The following WWP1 variants were observed in gnomAD, a reference collection of about 807,000 sequenced individuals.
WWP1 encodes the protein NEDD4-like E3 ubiquitin-protein ligase WWP1.
In WWP1, 49 loss-of-function variants were observed where a neutral mutation model predicts 130.6. That is an observed-to-expected ratio of 0.38 (90% CI 0.30 to 0.48). WWP1 has a LOEUF of 0.48. Ranked by LOEUF, WWP1 falls within the 20% of genes least tolerant of loss-of-function variation. WWP1 has a pLI of 0.99. For synonymous variants in WWP1, 332 were observed against 367.8 expected, an observed-to-expected ratio of 0.90 and a Z score of 1.11; for missense variants, 809 against 1,100.6, an observed-to-expected ratio of 0.74 and a Z score of 3.75.
intron 21 of WWP1, among the ~76,000 whole-genome samples, chr8:86,455,790 A>G (rs1015433487): frequency 1.3e-5 from 2 of 152,008 alleles, no homozygotes; most frequent in Non-Finnish European, 2.9e-5. Flanking sequence ...TTAGAAGGAA[A>G]TACAGAGGCC....
chr8:86,379,862 G>A (rs975548026), intron 3 of WWP1, among the ~76,000 whole-genome samples: 1 of 152,100 alleles, frequency 6.6e-6, no homozygotes, highest in Non-Finnish European at 1.5e-5. Flanking sequence ...CTTTTCCCTT[G>A]ATCTTTAATG....
intron 9 of WWP1, among the ~76,000 whole-genome samples, chr8:86,417,466 T>C (rs993125120): frequency 3.9e-5 from 6 of 152,228 alleles, no homozygotes; most frequent in Non-Finnish European, 7.3e-5. Context: ...CTGAATATAA[T>C]GTTCTGTGTA....
chr8:86,417,888 T>C (rs1808976797), intron 9 of WWP1, among the ~76,000 whole-genome samples: 1 of 152,142 alleles, frequency 6.6e-6, no homozygotes, highest in Non-Finnish European at 1.5e-5. Flanking sequence ...AGCTCAAGGC[T>C]CTGTTGTGTA....
intron 8 of WWP1, among the ~76,000 whole-genome samples, chr8:86,408,814 G>A (rs1366771708): frequency 6.6e-6 from 1 of 152,074 alleles, no homozygotes; most frequent in African/African-American, 2.4e-5. Flanking sequence ...GGAGGCTGGG[G>A]CAGGAGAATT....
intron 21 of WWP1, among the ~76,000 whole-genome samples, chr8:86,453,578 GGTAAT>G (rs1372476709): frequency 6.6e-6 from 1 of 151,972 alleles, no homozygotes; most frequent in East Asian, 1.9e-4. Context: ...TGGATCATAT[GGTAAT>G]CCTCTATTTA....
chr8:86,445,045 G>A (rs984355162), intron 18 of WWP1, among the ~76,000 whole-genome samples: 4 of 152,072 alleles, frequency 2.6e-5, no homozygotes, highest in African/African-American at 4.8e-5. Flanking sequence ...GGGAAGCAGC[G>A]TGTATGAAAG....
At chr8:86,447,988 C>G (rs973503937) in intron 18 of WWP1, among the ~76,000 whole-genome samples, 160 bp from the exon 19 acceptor site, 1 of 151,942 alleles carries the variant, frequency 6.6e-6, no homozygotes, top group East Asian at 1.9e-4. Context: ...GTTTTTCATA[C>G]CTAGCATTTT....
At chr8:86,405,576 G>A (rs1277291004) in intron 8 of WWP1, among the ~76,000 whole-genome samples, 1 of 152,058 alleles carries the variant, frequency 6.6e-6, no homozygotes, top group Non-Finnish European at 1.5e-5. Flanking sequence ...CTGACTTCCA[G>A]GCTGGAGTGC....
At chr8:86,457,320 A>G (rs1811501823) in intron 21 of WWP1, among the ~76,000 whole-genome samples, 1 of 151,902 alleles carries the variant, frequency 6.6e-6, no homozygotes, top group Non-Finnish European at 1.5e-5. Flanking sequence ...TTTATTTTCA[A>G]ATATATAAGA....
At chr8:86,362,091 T>C (rs1823671750) in intron 1 of WWP1, among the ~76,000 whole-genome samples, 1 of 142,900 alleles carries the variant, frequency 7.0e-6, no homozygotes, top group Non-Finnish European at 1.5e-5. Flanking sequence ...TACACACATA[T>C]ATATATACAC....
intron 1 of WWP1, among the ~76,000 whole-genome samples, chr8:86,362,199 T>TATAC (rs1554554039): frequency 7.4e-5 from 9 of 121,030 alleles, no homozygotes; most frequent in South Asian, 2.6e-4. Context: ...TATATATATA[T>TATAC]ATACTGGAAA....
chr8:86,409,036 T>C (rs546640796), intron 8 of WWP1, among the ~76,000 whole-genome samples: 2 of 152,138 alleles, frequency 1.3e-5, no homozygotes, highest in South Asian at 4.2e-4. Flanking sequence ...TTTAAAAAAA[T>C]TTTCTTGTGT....
chr8:86,375,064 C>T (rs982243649), intron 3 of WWP1, among the ~76,000 whole-genome samples: 1 of 152,042 alleles, frequency 6.6e-6, no homozygotes, highest in African/African-American at 2.4e-5. Context: ...TGTTTTTATC[C>T]TACTACACCA....
intron 17 of WWP1, among the ~76,000 whole-genome samples, chr8:86,441,572 A>G (rs936012389): frequency 7.9e-5 from 12 of 152,332 alleles, no homozygotes; most frequent in Non-Finnish European, 1.2e-4. Context: ...TCTCTTTAAA[A>G]CACTCGACCT....
At chr8:86,461,137 GTTAT>G (rs1230690764) in intron 22 of WWP1, 83 bp from the exon 23 acceptor site, 4 of 1,214,010 alleles carry the variant, frequency 3.3e-6, no homozygotes, top group African/African-American at 3.0e-5. Flanking sequence ...CCAATTCAGT[GTTAT>G]TTAATTTCTT....
chr8:86,416,577 CTTTTTT>C, intron 9 of WWP1, among the ~76,000 whole-genome samples: 1 of 140,488 alleles, frequency 7.1e-6, no homozygotes, highest in African/African-American at 2.6e-5. Flanking sequence ...TTCCACATTT[CTTTTTT>C]TTTTTTTAAG....
chr8:86,377,187 G>A (rs1225974234), intron 3 of WWP1, among the ~76,000 whole-genome samples: 2 of 152,026 alleles, frequency 1.3e-5, no homozygotes, highest in Non-Finnish European at 2.9e-5. Flanking sequence ...CTGGGTTCAA[G>A]TGATTCTCCT....
At chr8:86,358,876 A>C (rs1296566928) in intron 1 of WWP1, among the ~76,000 whole-genome samples, 3 of 152,242 alleles carry the variant, frequency 2.0e-5, no homozygotes, top group South Asian at 2.1e-4. Flanking sequence ...TTGATAATAA[A>C]GACTTTAACA....
intron 16 of WWP1, among the ~76,000 whole-genome samples, chr8:86,437,601 G>GAGT (rs1156874779): frequency 5.9e-5 from 9 of 152,272 alleles, no homozygotes; most frequent in African/African-American, 1.9e-4. Flanking sequence ...AAGGAGGAAA[G>GAGT]AGTATAGTTG....
Sources: gnomAD v4.1 joint callset for allele counts (sites outside exome capture counted in the v4.1 genomes callset) on GRCh38, gnomAD v4.1.1 for gene constraint, MANE v1.5 for transcripts, NCBI Gene and HGNC (gene_info 2026-07-23, HGNC 2026-07-21) for gene names.